MYO1H: variants seen among roughly 807,000 people sequenced by gnomAD.
The protein encoded by MYO1H is unconventional myosin-Ih.
In MYO1H, 118 loss-of-function variants were observed where a neutral mutation model predicts 149.3. The observed-to-expected ratio is 0.79, with a 90% CI of 0.68 to 0.92. MYO1H has a LOEUF of 0.92. Ranked by LOEUF, MYO1H falls within the 40% of genes least tolerant of loss-of-function variation. The probability of loss-of-function intolerance (pLI) is 0.00; values close to 1 mark genes in which losing one functional copy is unlikely to be tolerated. For synonymous variants in MYO1H, 447 were observed against 465.2 expected (o/e 0.96, Z 0.50); for missense variants, 1,212 against 1,280.7 (o/e 0.95, Z 0.82).
At chr12:109,353,131 C>A (rs1868498528) in intron 1 of MYO1H, among the ~76,000 whole-genome samples, 1 of 152,070 alleles carries the variant, frequency 6.6e-6, no homozygotes, top group South Asian at 2.1e-4. Flanking sequence ...CACAGTGGCT[C>A]ATGCCTGTAA....
chr12:109,407,698 A>T, intron 9 of MYO1H, 96 bp from the exon 10 acceptor site: 1 of 1,333,278 alleles, frequency 7.5e-7, no homozygotes, highest in Non-Finnish European at 1.0e-6. Flanking sequence ...ACCCTGTCTC[A>T]TTATTTTATT....
chr12:109,439,466 G>A, intron 23 of MYO1H, 165 bp from the exon 24 acceptor site: 1 of 574,052 alleles, frequency 1.7e-6, no homozygotes, highest in Admixed American at 3.1e-5. Context: ...AAGGCCGTGT[G>A]GGTGAAATCG....
intron 1 of MYO1H, among the ~76,000 whole-genome samples, chr12:109,359,945 T>C (rs1457299483): frequency 1.3e-5 from 2 of 152,138 alleles, no homozygotes; most frequent in African/African-American, 4.8e-5. Context: ...TTCCCCTCTT[T>C]TGATTTGGGA....
At chr12:109,313,775 T>C in the MYO1H span, among the ~76,000 whole-genome samples, 199 of 151,488 alleles carry the variant, frequency 1.3e-3, no homozygotes, top group Middle Eastern at 3.4e-3. Flanking sequence ...GCAAGAGCAT[T>C]TTTTTTTTAA....
chr12:109,349,506 T>A (rs1868409654), intron 1 of MYO1H, among the ~76,000 whole-genome samples: 1 of 128,894 alleles, frequency 7.8e-6, no homozygotes, highest in Non-Finnish European at 1.6e-5. Context: ...CCAAAAAAAT[T>A]AAAAAGTAGC....
intron 3 of MYO1H, 44 bp from the exon 4 acceptor site, chr12:109,396,340 A>T (rs1869903059): frequency 6.6e-7 from 1 of 1,513,240 alleles, no homozygotes; most frequent in Non-Finnish European, 9.0e-7. Context: ...AGTCAAGGGA[A>T]GTACCATTAA....
At chr12:109,373,198 G>A (rs1292330491) in intron 1 of MYO1H, among the ~76,000 whole-genome samples, 1 of 151,950 alleles carries the variant, frequency 6.6e-6, no homozygotes, top group Non-Finnish European at 1.5e-5. Context: ...TTTCTATTTT[G>A]ATTTCCTCCT....
the MYO1H span, among the ~76,000 whole-genome samples, chr12:109,320,623 CA>C: frequency 0.022 from 2,064 of 92,760 alleles, 23 homozygotes; most frequent in East Asian, 0.11. Flanking sequence ...GAATCTGTCT[CA>C]AAAAAAAAAA....
At chr12:109,393,601 A>G (rs963079360) in intron 3 of MYO1H, among the ~76,000 whole-genome samples, 155 bp downstream of exon 3, 1 of 151,338 alleles carries the variant, frequency 6.6e-6, no homozygotes, top group Non-Finnish European at 1.5e-5. Context: ...TCATCCACCT[A>G]TCCATCCACC....
intron 10 of MYO1H, among the ~76,000 whole-genome samples, chr12:109,409,003 C>T (rs1870517869): frequency 6.6e-6 from 1 of 151,988 alleles, no homozygotes; most frequent in Non-Finnish European, 1.5e-5. Context: ...GTTGGCCAGG[C>T]TGGTCTCAAA....
intron 16 of MYO1H, among the ~76,000 whole-genome samples, chr12:109,422,854 G>A (rs1362324363): frequency 6.6e-6 from 1 of 152,066 alleles, no homozygotes; most frequent in African/African-American, 2.4e-5. Flanking sequence ...TGGGTGGATC[G>A]CTTGAGCCCA....
chr12:109,439,795 G>T lies in MYO1H; in HGVS notation c.2454+5G>T. On this transcript the variant is annotated splice_donor_5th_base_variant and intron_variant, in intron 24 of 31. Transcript: ENST00000310903. ...CCTCCTGGCATCTTGGAAAATGTAAGGACTAATCTGGGATTTCCAGTGTTG... is the reference window on the plus strand; with the variant it reads ...CCTCCTGGCATCTTGGAAAATGTAATGACTAATCTGGGATTTCCAGTGTTG... The T allele has an allele frequency of 6.2e-7, 1 of 1,612,860 alleles. No individual in the cohort carries two copies. The highest frequency in any genetic ancestry group is 8.5e-7 in the Non-Finnish European group (1 of 1,179,072).
chr12:109,416,601 A>G (rs965946346), intron 15 of MYO1H, among the ~76,000 whole-genome samples: 1 of 152,162 alleles, frequency 6.6e-6, no homozygotes, highest in Non-Finnish European at 1.5e-5. Context: ...TAACTATTAT[A>G]AAGCTACCAT....
chr12:109,405,562 G>A (rs747007618), intron 7 of MYO1H, among the ~76,000 whole-genome samples: 1 of 152,140 alleles, frequency 6.6e-6, no homozygotes, highest in African/African-American at 2.4e-5. Context: ...TGCCCACCTC[G>A]GCCTCCCAAA....
chr12:109,432,989 C>T, exon 20 of MYO1H: 1 of 1,613,986 alleles, frequency 6.2e-7, no homozygotes, highest in Non-Finnish European at 8.5e-7. Context: ...GGCTACAAAC[C>T]CGAGGAATAC....
chr12:109,350,349 C>A (rs1868438770), intron 1 of MYO1H, among the ~76,000 whole-genome samples: 2 of 152,056 alleles, frequency 1.3e-5, no homozygotes, highest in Admixed American at 1.3e-4. Context: ...GTGGGAGGGA[C>A]CCGGTGGGAG....
intron 2 of MYO1H, among the ~76,000 whole-genome samples, chr12:109,390,609 G>A (rs1869602918): frequency 1.3e-5 from 2 of 151,716 alleles, no homozygotes; most frequent in South Asian, 4.2e-4. Context: ...TAGCGGGAGT[G>A]TTTTGCCCAA....
chr12:109,393,481 T>TTTTTC, intron 3 of MYO1H, 35 bp downstream of exon 3: 1 of 1,415,256 alleles, frequency 7.1e-7, no homozygotes, highest in South Asian at 1.2e-5. Context: ...ACTAGGAGGA[T>TTTTTC]TTTTCTTTTT....
chr12:109,363,340 C>T (rs1412838895), intron 1 of MYO1H, among the ~76,000 whole-genome samples: 1 of 152,164 alleles, frequency 6.6e-6, no homozygotes, highest in Non-Finnish European at 1.5e-5. Context: ...TTCTCCATGC[C>T]CCTGAAATGC....
Sources: gnomAD v4.1 joint callset for allele counts (sites outside exome capture counted in the v4.1 genomes callset) on GRCh38, gnomAD v4.1.1 for gene constraint, MANE v1.5 for transcripts, NCBI Gene and HGNC (gene_info 2026-07-23, HGNC 2026-07-21) for gene names.